Variants in DNAH14 observed in about 807,000 individuals in gnomAD.
DNAH14 encodes the protein axonemal beta dynein heavy chain 14.
A neutral mutation model predicts 520.9 loss-of-function variants in DNAH14; 478 were observed. The observed-to-expected ratio is 0.92, with a 90% CI of 0.85 to 0.99. DNAH14 has a LOEUF of 0.99. Among genes scored for constraint, DNAH14 ranks in the 50% least tolerant of loss-of-function variants. The probability of loss-of-function intolerance (pLI) is 0.00; values close to 1 mark genes in which losing one functional copy is unlikely to be tolerated. For missense variants in DNAH14, 4,831 were observed against 5,234.5 expected (o/e 0.92, Z 2.38); for synonymous variants, 1,581 against 1,757.2 (o/e 0.90, Z 2.51).
intron 23 of DNAH14, among the ~76,000 whole-genome samples, chr1:225,114,699 G>A (rs1185870784): frequency 6.6e-6 from 1 of 152,284 alleles, no homozygotes; most frequent in East Asian, 1.9e-4. Context: ...TCTGGCTAGG[G>A]CTGGTCTAAA....
At position 225,335,726 on chromosome 1, in the gene DNAH14, C is replaced by CAT. The variant is rs1413123921; in HGVS notation, c.10081-1537_10081-1536dup. Among the ~76,000 whole-genome samples, 6 of 92,616 alleles carry CAT rather than the reference C, an allele frequency of 6.5e-5. 1 individual carries two copies. The highest frequency in any genetic ancestry group is 1.2e-4 in the African/African-American group (2 of 16,572). 60.8% of individuals were successfully genotyped at this position (92,616 alleles called of 152,430 possible). A position where few individuals can be genotyped will look rare whatever the true frequency, so the allele number is the denominator to read the frequency against. On this transcript the variant is annotated intron_variant, in intron 66 of 85. Transcript: ENST00000682510. ...GCATATATGTATATACGCATATATA[C>CAT]ATATGTGCATATATGTATATACGCA...
At chr1:225,383,597 GC>G (rs1203845137) in intron 81 of DNAH14, among the ~76,000 whole-genome samples, 5 of 152,296 alleles carry the variant, frequency 3.3e-5, no homozygotes, top group African/African-American at 1.2e-4. Flanking sequence ...GAAATGTCCG[GC>G]TTGGACAAAT....
In DNAH14 at chr1:225,256,009, T is replaced by C. The variant is rs115921447; in HGVS notation, c.6866-1951T>C. ...TTACCATTAAAATCCAATTTTTAACTCAATGCTGTTTTGTGTATACGAGCC... is the reference window on the plus strand; with the variant it reads ...TTACCATTAAAATCCAATTTTTAACCCAATGCTGTTTTGTGTATACGAGCC... On this transcript the variant is annotated intron_variant, in intron 44 of 85. Transcript: ENST00000682510. Among the ~76,000 whole-genome samples the C allele has an allele frequency of 5.0e-3, 754 of 152,296 alleles. 6 individuals carry two copies. Among genetic ancestry groups the C allele is most frequent in the African/African-American group, 0.017 (713 of 41,578 alleles).
chr1:225,133,150 A>C (rs2148969443), intron 27 of DNAH14, among the ~76,000 whole-genome samples: 1 of 151,442 alleles, frequency 6.6e-6, no homozygotes, highest in Non-Finnish European at 1.5e-5. Context: ...GATTGCAAAA[A>C]TTTTCTCCCA....
At chr1:225,072,938 C>T (rs1009882734) in intron 17 of DNAH14, among the ~76,000 whole-genome samples, 1 of 152,066 alleles carries the variant, frequency 6.6e-6, no homozygotes, top group African/African-American at 2.4e-5. Flanking sequence ...CAGGACATGG[C>T]TGGAGACCCT....
intron 17 of DNAH14, among the ~76,000 whole-genome samples, chr1:225,073,219 G>T (rs182332533): frequency 3.3e-5 from 5 of 152,156 alleles, no homozygotes; most frequent in African/African-American, 4.8e-5. Flanking sequence ...CCATGTTTTT[G>T]TGGGGGTGTT....
At chr1:224,944,260 TGTCTCTTTTGATCTTTGTTGGTTTAAA>T (rs1168879364) in intron 1 of DNAH14, among the ~76,000 whole-genome samples, 1 of 152,252 alleles carries the variant, frequency 6.6e-6, no homozygotes, top group Non-Finnish European at 1.5e-5. Flanking sequence ...TGGCCTTCTT[TGTCTCTTTTGATCTTTGTTGGTTTAAA>T]GTCTATTTTA....
intron 79 of DNAH14, among the ~76,000 whole-genome samples, chr1:225,379,604 T>G (rs2095754035): frequency 1.3e-5 from 2 of 152,122 alleles, no homozygotes; most frequent in African/African-American, 4.8e-5. Context: ...CTTGGCTCAC[T>G]GCAACCTCTG....
At chr1:224,955,244 G>C (rs905468777) in intron 3 of DNAH14, 146 bp downstream of exon 3, 3 of 814,996 alleles carry the variant, frequency 3.7e-6, no homozygotes, top group Admixed American at 5.5e-5. Flanking sequence ...ATTAGTTATA[G>C]CAGTTAGCAG....
In DNAH14 at chr1:225,010,556, CT is replaced by C. The variant is rs200098019; in HGVS notation, c.1107+3019del. Reference sequence around the variant, plus strand: ...ATCAGGGATATTGGCCTGAAATTTTCTTTTTTTGTTGTGTCTCTACCAGGTT... The same window carrying C: ...ATCAGGGATATTGGCCTGAAATTTTCTTTTTTGTTGTGTCTCTACCAGGTT... On this transcript the variant is annotated intron_variant, in intron 10 of 85. Coordinates refer to ENST00000682510, the MANE Select transcript of DNAH14 (RefSeq NM_001367479.1). Among the ~76,000 whole-genome samples, 1,476 of 152,050 alleles carry C rather than the reference CT, an allele frequency of 9.7e-3. 38 individuals are homozygous for C. The highest frequency in any genetic ancestry group is 0.068 in the East Asian group (352 of 5,168).
intron 31 of DNAH14, among the ~76,000 whole-genome samples, chr1:225,149,313 G>T (rs2080255766): frequency 6.6e-6 from 1 of 152,150 alleles, no homozygotes; most frequent in Non-Finnish European, 1.5e-5. Flanking sequence ...GTACCATGCT[G>T]TTTTGATAAT....
intron 55 of DNAH14, among the ~76,000 whole-genome samples, chr1:225,297,594 G>C (rs2094038056): frequency 6.6e-6 from 1 of 152,182 alleles, no homozygotes; most frequent in Non-Finnish European, 1.5e-5. Context: ...GATGGATACA[G>C]TAGTGTAGTC....
At chr1:225,366,785 G>T (rs2095557981) in intron 76 of DNAH14, among the ~76,000 whole-genome samples, 1 of 148,988 alleles carries the variant, frequency 6.7e-6, no homozygotes, top group Non-Finnish European at 1.5e-5. Flanking sequence ...TCCAGGGGTT[G>T]TAAAAACCTA....
chr1:225,318,478 A>G (rs1279541570), intron 60 of DNAH14, 105 bp from the exon 61 acceptor site: 8 of 987,284 alleles, frequency 8.1e-6, no homozygotes, highest in Non-Finnish European at 8.8e-6. Context: ...ACTTATGGGC[A>G]TTGTAAAAAT....
intron 54 of DNAH14, among the ~76,000 whole-genome samples, chr1:225,279,570 A>G (rs2149904593): frequency 6.6e-6 from 1 of 152,344 alleles, no homozygotes; most frequent in East Asian, 1.9e-4. Flanking sequence ...GTAAAAGAAG[A>G]AATTGTACAT....
rs1425450008 is a variant in DNAH14, at chr1:225,078,831, TCTCTCTCTCTCC to T, written c.2425-364_2425-353del. ...CTCTCTCTCTCTCTCTCTCCCTCTCTCTCTCTCTCTCCCTCTCTCTCTCTCTCCCTCTCTCTC... is the reference window on the plus strand; with the variant it reads ...CTCTCTCTCTCTCTCTCTCCCTCTCTCTCTCTCTCTCTCTCCCTCTCTCTC... On this transcript the variant is annotated intron_variant, in intron 17 of 85. Coordinates refer to ENST00000682510, the MANE Select transcript of DNAH14 (RefSeq NM_001367479.1). Among the ~76,000 whole-genome samples the T allele has an allele frequency of 2.2e-3, 129 of 58,822 alleles. 2 individuals carry two copies. Among genetic ancestry groups the T allele is most frequent in the Non-Finnish European group, 3.6e-3 (92 of 25,660 alleles). The allele number at this position is 58,822 out of a possible 152,430, so 38.6% of individuals were successfully genotyped here.
At chr1:225,147,359 G>GTTT in intron 31 of DNAH14, 110 bp downstream of exon 31, 5 of 1,042,994 alleles carry the variant, frequency 4.8e-6, no homozygotes, top group African/African-American at 1.7e-5. Flanking sequence ...TCTTTGGGGT[G>GTTT]TTTTTTTTTT....
intron 8 of DNAH14, among the ~76,000 whole-genome samples, chr1:224,997,045 G>C (rs1404547304): frequency 2.0e-5 from 3 of 152,140 alleles, no homozygotes. Context: ...ACTTCTGGGA[G>C]TGACCAGCTA....
At chr1:225,306,707 C>A (rs1049140585) in intron 58 of DNAH14, among the ~76,000 whole-genome samples, 4 of 152,172 alleles carry the variant, frequency 2.6e-5, no homozygotes, top group African/African-American at 7.2e-5. Flanking sequence ...TCCTTACATA[C>A]CTTGTACTAT....
Sources: allele counts gnomAD v4.1 joint callset (sites outside exome capture counted in the v4.1 genomes callset), GRCh38; gene constraint gnomAD v4.1.1; transcripts MANE v1.5; gene names NCBI Gene and HGNC (gene_info 2026-07-23, HGNC 2026-07-21).